Variants in IPP observed in about 807,000 individuals in gnomAD.
IPP encodes actin-binding protein IPP.
In IPP, 41 loss-of-function variants were observed where a neutral mutation model predicts 64.1. The observed-to-expected ratio is 0.64, with a 90% CI of 0.50 to 0.83. The LOEUF is 0.83. Among genes scored for constraint, IPP ranks in the 40% least tolerant of loss-of-function variants. The probability of loss-of-function intolerance (pLI) is 0.00; values close to 1 mark genes in which losing one functional copy is unlikely to be tolerated. For missense variants in IPP, 649 were observed against 703.0 expected (o/e 0.92, Z 0.87); for synonymous variants, 214 against 235.2 (o/e 0.91, Z 0.83).
intron 8 of IPP, among the ~76,000 whole-genome samples, chr1:45,712,028 A>G (rs1429299376): frequency 6.6e-6 from 1 of 151,944 alleles, no homozygotes; most frequent in African/African-American, 2.4e-5. Flanking sequence ...TAAAAAACCA[A>G]CTTGAGGCCA....
chr1:45,720,697 C>T lies in IPP; in HGVS notation c.1049-1357G>A, dbSNP rs542773921. 5.3e-5 allele frequency among the ~76,000 whole-genome samples: 8 copies of T among 152,140 alleles called. No individual in the cohort carries two copies. The South Asian group carries it at 1.2e-3, about 24-fold the overall frequency. On this transcript the variant is annotated intron_variant, in intron 5 of 8. Transcript: ENST00000396478. ...AGAAAAGAAATTCTAGGAACAGAAA[C>T]GTACCTATATGATTACTTGATAGAA...
chr1:45,701,294 T>TG (rs398102692), intron 8 of IPP, among the ~76,000 whole-genome samples: 1 of 151,678 alleles, frequency 6.6e-6, no homozygotes, highest in Non-Finnish European at 1.5e-5. Flanking sequence ...CTTTTTTTTT[T>TG]GTTTTTTTTT....
intron 5 of IPP, among the ~76,000 whole-genome samples, chr1:45,722,458 T>A (rs1473549615): frequency 6.6e-6 from 1 of 151,926 alleles, no homozygotes; most frequent in African/African-American, 2.4e-5. Flanking sequence ...GGCTGAGGCA[T>A]CACTTGAATC....
chr1:45,740,554 C>CA (rs945366033), intron 3 of IPP, among the ~76,000 whole-genome samples: 6 of 141,058 alleles, frequency 4.3e-5, no homozygotes, highest in African/African-American at 1.8e-4. Flanking sequence ...GGGGGGCTGA[C>CA]CCCCCCTAGG....
At chr1:45,695,909 C>T (rs1645383917), downstream of IPP, among the ~76,000 whole-genome samples, 1 of 152,236 alleles carries the variant, frequency 6.6e-6, no homozygotes, top group African/African-American at 2.4e-5. Flanking sequence ...CTTCAGGTGA[C>T]CCACCCACCT....
At chr1:45,708,672 T>C (rs1569957997) in intron 8 of IPP, among the ~76,000 whole-genome samples, 5 of 85,384 alleles carry the variant, frequency 5.9e-5, no homozygotes, top group Non-Finnish European at 6.6e-5. Flanking sequence ...AGAGTGAAAC[T>C]CACCTCCAAA....
intron 3 of IPP, among the ~76,000 whole-genome samples, chr1:45,738,637 G>A (rs1277608268): frequency 1.3e-5 from 2 of 151,752 alleles, no homozygotes; most frequent in Non-Finnish European, 2.9e-5. Flanking sequence ...TCAGGAGATC[G>A]AGACCATCCT....
intron 5 of IPP, among the ~76,000 whole-genome samples, chr1:45,721,648 T>G (rs28495425): frequency 0.28 from 43,364 of 152,214 alleles, 6,322 homozygotes; most frequent in South Asian, 0.37. Flanking sequence ...GCTAAACCTT[T>G]TAAGTCCTTT....
chr1:45,716,753 T>TA, intron 7 of IPP, 142 bp downstream of exon 7: 1 of 592,856 alleles, frequency 1.7e-6, no homozygotes, highest in Non-Finnish European at 2.9e-6. Flanking sequence ...TGATAGGAGG[T>TA]AAAAAGCAGA....
At position 45,726,478 on chromosome 1, in the gene IPP, T is replaced by A. The variant is rs554942376; in HGVS notation, c.1048+1153A>T. Among the ~76,000 whole-genome samples, 27 of 152,096 alleles carry A rather than the reference T, an allele frequency of 1.8e-4. No homozygotes were observed. The East Asian group carries it at 4.3e-3, about 24-fold the overall frequency. On this transcript the variant is annotated intron_variant, in intron 5 of 8. Transcript: ENST00000396478. ...CAAAACTCCATATCAAATAAATAAGTAAATTTTTAATGAGCCATACATGGT... is the reference window on the plus strand; with the variant it reads ...CAAAACTCCATATCAAATAAATAAGAAAATTTTTAATGAGCCATACATGGT...
intron 2 of IPP, 97 bp from the exon 3 acceptor site, chr1:45,741,429 A>T (rs1200971258): frequency 3.6e-6 from 3 of 828,982 alleles, no homozygotes; most frequent in Non-Finnish European, 5.7e-6. Flanking sequence ...TGATAGTTTG[A>T]TGCCTGCAGA....
intron 5 of IPP, among the ~76,000 whole-genome samples, chr1:45,724,629 C>A (rs1256962216): frequency 6.6e-6 from 1 of 150,608 alleles, no homozygotes; most frequent in Non-Finnish European, 1.5e-5. Flanking sequence ...CTCTGCCCCG[C>A]CGCCCTGTCT....
At chr1:45,721,070 A>G (rs1426776987) in intron 5 of IPP, among the ~76,000 whole-genome samples, 1 of 152,224 alleles carries the variant, frequency 6.6e-6, no homozygotes, top group Non-Finnish European at 1.5e-5. Flanking sequence ...AGTAGAAGAT[A>G]CTTATAGCAC....
chr1:45,703,662 T>C lies in IPP; in HGVS notation c.1531-3472A>G, dbSNP rs542751179. 2.0e-4 allele frequency among the ~76,000 whole-genome samples: 30 copies of C among 152,230 alleles called. 1 individual carries two copies. Among genetic ancestry groups the C allele is most frequent in the Admixed American group, 9.8e-4 (15 of 15,276 alleles). ...GGTTTAACCCAGATTTCCTTGAATA[T>C]AGTTGACCAGGGAAACTCAAGTTAC... is the stretch of plus-strand genomic sequence containing the variant. On this transcript the variant is annotated intron_variant, in intron 8 of 8. Coordinates refer to ENST00000396478, the MANE Select transcript of IPP (RefSeq NM_005897.3).
At chr1:45,694,712 A>C (rs1645372005), downstream of IPP, 1 of 509,514 alleles carries the variant, frequency 2.0e-6, no homozygotes, top group Non-Finnish European at 3.5e-6. Flanking sequence ...TTTTATTAGG[A>C]TATTTGGCAT....
chr1:45,733,558 G>A lies in IPP; in HGVS notation c.725-3789C>T, dbSNP rs190301406. 3.0e-4 allele frequency among the ~76,000 whole-genome samples: 45 copies of A among 151,610 alleles called. No individual in the cohort carries two copies. In the East Asian group the frequency reaches 8.3e-3, roughly 28 times the overall value. ...GAATCATTATAATTAAAGAATATTG[G>A]CCAGGCATGGTGGCTCACGCCTGAG... On this transcript the variant is annotated intron_variant, in intron 3 of 8. Coordinates refer to ENST00000396478, the MANE Select transcript of IPP (RefSeq NM_005897.3).
chr1:45,699,283 A>G lies in IPP; in HGVS notation c.*683T>C. On this transcript the variant is annotated 3_prime_UTR_variant, in exon 9 of 9. Coordinates refer to ENST00000396478, the MANE Select transcript of IPP (RefSeq NM_005897.3). ...GGGCTAGTGAAAACTCTTGGCATTA[A>G]ATAAAAGTAGGAATCTATTTCATTG... 1.0e-6 allele frequency: 1 copy of G among 985,432 alleles called. No homozygotes were observed. 61.0% of individuals were successfully genotyped at this position (985,432 alleles called of 1,614,324 possible).
intron 2 of IPP, among the ~76,000 whole-genome samples, chr1:45,741,618 A>ATTTTTTTTT (rs1646067129): frequency 9.5e-6 from 1 of 105,430 alleles, no homozygotes; most frequent in Non-Finnish European, 2.0e-5. Flanking sequence ...TATTTTTCTT[A>ATTTTTTTTT]TTTTCTTTTT....
chr1:45,719,594 A>C (rs1455612243), intron 5 of IPP, among the ~76,000 whole-genome samples: 1 of 152,152 alleles, frequency 6.6e-6, no homozygotes, highest in Non-Finnish European at 1.5e-5. Flanking sequence ...CAATCAAACA[A>C]TCCATGTAAT....
Sources: gnomAD v4.1 joint callset for allele counts (sites outside exome capture counted in the v4.1 genomes callset) on GRCh38, gnomAD v4.1.1 for gene constraint, MANE v1.5 for transcripts, NCBI Gene and HGNC (gene_info 2026-07-23, HGNC 2026-07-21) for gene names.